The following ERCC6 variants were observed in gnomAD, a reference collection of about 807,000 sequenced individuals.
ERCC6 encodes ERCC excision repair 6, chromatin remodeling factor.
A neutral mutation model predicts 158.7 loss-of-function variants in ERCC6; 116 were observed. That is an observed-to-expected ratio of 0.73 (90% CI 0.63 to 0.85). ERCC6 has a LOEUF of 0.85. Among genes scored for constraint, ERCC6 ranks in the 40% least tolerant of loss-of-function variants. The pLI, the probability that ERCC6 is intolerant of heterozygous loss-of-function variation, is 0.00. For synonymous variants in ERCC6, 678 were observed against 659.3 expected (o/e 1.03, Z -0.43); for missense variants, 1,698 against 1,799.4 (o/e 0.94, Z 1.02).
In ERCC6 at chr10:49,456,725, A is replaced by G. The variant is rs1466838486; in HGVS notation, c.*2090T>C. 2.0e-5 allele frequency: 3 copies of G among 152,248 alleles called. No individual in the cohort carries two copies. The highest frequency in any genetic ancestry group is 4.4e-5 in the Non-Finnish European group (3 of 68,046). The allele number at this position is 152,248 out of a possible 1,614,324, so 9.4% of individuals were successfully genotyped here. ...AATACATTAAATCTATTTACACTGT[A>G]CAAAGCTTTTAAAGTTCTAAAAATC... On this transcript the variant is annotated 3_prime_UTR_variant, in exon 21 of 21. Transcript: ENST00000355832.
the ERCC6 span, among the ~76,000 whole-genome samples, chr10:49,442,206 A>G: frequency 2.0e-5 from 3 of 152,252 alleles, no homozygotes; most frequent in African/African-American, 4.8e-5. Flanking sequence ...TCCAAACGAC[A>G]GTTACGCACG....
At chr10:49,454,027 T>C (rs1374890590), downstream of ERCC6, among the ~76,000 whole-genome samples, 1 of 152,232 alleles carries the variant, frequency 6.6e-6, no homozygotes, top group African/African-American at 2.4e-5. Context: ...AGTCATTGTA[T>C]CTTTAAATAT....
intron 5 of ERCC6, 63 bp from the exon 6 acceptor site, chr10:49,506,075 G>C: frequency 6.3e-7 from 1 of 1,593,194 alleles, no homozygotes. Context: ...TAAAAAGATA[G>C]CTCCTGATAA....
intron 5 of ERCC6, 109 bp downstream of exon 5, chr10:49,523,924 C>T (rs1837239662): frequency 7.4e-6 from 11 of 1,495,306 alleles, no homozygotes; most frequent in African/African-American, 1.4e-5. Context: ...TCTGTATAAT[C>T]GGGGGGGTCT....
At position 49,532,563 on chromosome 10, in the gene ERCC6, C is replaced by A. The variant is rs1404366062; in HGVS notation, c.402G>T (p.Arg134=). 6.2e-7 allele frequency: 1 copy of A among 1,613,998 alleles called. No individual in the cohort carries two copies. The highest frequency in any genetic ancestry group is 1.7e-5 in the Admixed American group (1 of 60,006). Residue 134 remains arginine, a synonymous_variant, in exon 2 of 21, where the codon CGG becomes CGT. Transcript: ENST00000355832. Reference sequence around the variant, plus strand: ...CTCACGTGAGGTCATCCAGGACCGACCGATACTCCTTCTCCACGTCAACGA... The same window carrying A: ...CTCACGTGAGGTCATCCAGGACCGAACGATACTCCTTCTCCACGTCAACGA... ...SQLVDVEKEY[R]SVLDDLTSCT... is the part of the protein sequence containing the mutation.
chr10:49,506,966 A>C (rs987415251), intron 5 of ERCC6, among the ~76,000 whole-genome samples: 1 of 152,080 alleles, frequency 6.6e-6, no homozygotes, highest in African/African-American at 2.4e-5. Flanking sequence ...TAAAAAAAAA[A>C]CTCATAGGAA....
chr10:49,450,985 G>C (rs377177417), downstream of ERCC6, among the ~76,000 whole-genome samples: 47 of 152,012 alleles, frequency 3.1e-4, 2 homozygotes, highest in East Asian at 5.0e-3. Context: ...CTAATTTTTT[G>C]TATTTTTAGT....
At chr10:49,530,194 A>G (rs1377734233) in intron 3 of ERCC6, among the ~76,000 whole-genome samples, 1 of 152,164 alleles carries the variant, frequency 6.6e-6, no homozygotes, top group Non-Finnish European at 1.5e-5. Flanking sequence ...AAAACTAAGG[A>G]AGTGCGCCCA....
intron 5 of ERCC6, among the ~76,000 whole-genome samples, chr10:49,508,799 T>C (rs1416146864): frequency 6.6e-6 from 1 of 152,100 alleles, no homozygotes; most frequent in East Asian, 1.9e-4. Flanking sequence ...CAGCTAAAGA[T>C]GGGGCCGACA....
chr10:49,484,167 T>C (rs1248571169), intron 8 of ERCC6, among the ~76,000 whole-genome samples: 2 of 150,454 alleles, frequency 1.3e-5, no homozygotes, highest in East Asian at 2.0e-4. Flanking sequence ...TGTAGTCCCA[T>C]CTACTCAGGA....
At chr10:49,537,924 G>A (rs1837640934) in intron 1 of ERCC6, among the ~76,000 whole-genome samples, 1 of 152,212 alleles carries the variant, frequency 6.6e-6, no homozygotes, top group Non-Finnish European at 1.5e-5. Flanking sequence ...GTTTCACCAC[G>A]TTGGTAAGGC....
At chr10:49,531,873 G>C (rs1411124855) in intron 2 of ERCC6, among the ~76,000 whole-genome samples, 1 of 152,012 alleles carries the variant, frequency 6.6e-6, no homozygotes, top group Non-Finnish European at 1.5e-5. Context: ...GCCCAACGGG[G>C]GCCAAGCAGC....
At chr10:49,488,648 T>C (rs992739534) in intron 8 of ERCC6, among the ~76,000 whole-genome samples, 3 of 152,110 alleles carry the variant, frequency 2.0e-5, no homozygotes, top group East Asian at 1.9e-4. Flanking sequence ...CTTTCTTTTT[T>C]TTTTTTTTTT....
In ERCC6 at chr10:49,474,248, G is replaced by A. The variant is rs748412731; in HGVS notation, c.2383-6C>T. On this transcript the variant is annotated splice_polypyrimidine_tract_variant and splice_region_variant and intron_variant, in intron 12 of 20. Coordinates refer to ENST00000355832, the MANE Select transcript of ERCC6 (RefSeq NM_000124.4). ...GCTATAAGTCCGGAGAAAATCTGTGGTAAGAAAGAGTACATGTACACTCAG... is the reference window on the plus strand; with the variant it reads ...GCTATAAGTCCGGAGAAAATCTGTGATAAGAAAGAGTACATGTACACTCAG... 1 of 1,608,678 alleles carries A rather than the reference G, an allele frequency of 6.2e-7. No individual in the cohort carries two copies. Among genetic ancestry groups the A allele is most frequent in the South Asian group, 1.1e-5 (1 of 90,950 alleles).
the ERCC6 span, among the ~76,000 whole-genome samples, chr10:49,442,150 G>T: frequency 6.6e-6 from 1 of 152,234 alleles, no homozygotes. Context: ...TCCTCAGGCA[G>T]AAGAGTTAAA....
chr10:49,499,724 T>C (rs756468509), intron 7 of ERCC6, among the ~76,000 whole-genome samples: 22 of 152,220 alleles, frequency 1.4e-4, no homozygotes, highest in Non-Finnish European at 2.6e-4. Context: ...AGTTTAAATA[T>C]GGAAGTGCTC....
Position 49,461,116 on chromosome 10 carries a change from A to G in ERCC6, c.3983+236T>C, listed in dbSNP as rs3810944. 0.065 allele frequency among the ~76,000 whole-genome samples: 9,857 copies of G among 152,252 alleles called. 434 individuals are homozygous for G. Among genetic ancestry groups the G allele is most frequent in the Middle Eastern group, 0.11 (32 of 294 alleles). On this transcript the variant is annotated intron_variant, in intron 19 of 20. Coordinates refer to ENST00000355832, the MANE Select transcript of ERCC6 (RefSeq NM_000124.4). ...CTATTTTTAACAACACCATCTCTCA[A>G]ATAAAACCAATCACTTCTCCTGAAG... is the stretch of plus-strand genomic sequence containing the variant.
chr10:49,513,244 C>G (rs1387790444), intron 5 of ERCC6, among the ~76,000 whole-genome samples: 1 of 152,144 alleles, frequency 6.6e-6, no homozygotes, highest in Non-Finnish European at 1.5e-5. Context: ...CTCCATGGCC[C>G]GTGGTGTCTA....
intron 19 of ERCC6, among the ~76,000 whole-genome samples, chr10:49,461,031 T>C (rs974496451): frequency 6.6e-6 from 1 of 152,218 alleles, no homozygotes; most frequent in Non-Finnish European, 1.5e-5. Flanking sequence ...AAGTAATTAA[T>C]GTGTGCTGTA....
Sources: allele counts gnomAD v4.1 joint callset (sites outside exome capture counted in the v4.1 genomes callset), GRCh38; gene constraint gnomAD v4.1.1; transcripts MANE v1.5; gene names NCBI Gene and HGNC (gene_info 2026-07-23, HGNC 2026-07-21).